The following CPS1 variants were observed in gnomAD, a reference collection of about 807,000 sequenced individuals.
CPS1 encodes carbamoyl-phosphate synthase 1.
Under a neutral mutation model 174.6 loss-of-function variants are expected in CPS1, and 109 were observed. That is an observed-to-expected ratio of 0.62 (90% CI 0.53 to 0.73). The LOEUF (loss-of-function observed/expected upper bound fraction) is 0.73, where lower values mean the gene tolerates loss of function less well. CPS1 is among the 30% of genes least tolerant of loss of function. The pLI, the probability that CPS1 is intolerant of heterozygous loss-of-function variation, is 0.00. For missense variants in CPS1, 1,689 were observed against 1,821.9 expected (o/e 0.93, Z 1.33); for synonymous variants, 637 against 632.0 (o/e 1.01, Z -0.12).
At chr2:210,603,186 G>A (rs1698786968) in intron 16 of CPS1, among the ~76,000 whole-genome samples, 2 of 151,880 alleles carry the variant, frequency 1.3e-5, no homozygotes, top group African/African-American at 4.8e-5. Flanking sequence ...AGTCATAGAA[G>A]TGAATTTGAC....
intron 20 of CPS1, among the ~76,000 whole-genome samples, chr2:210,612,711 C>T (rs1034565870): frequency 6.6e-6 from 1 of 151,808 alleles, no homozygotes. Context: ...TTAGTATGTG[C>T]CACTTGAGTC....
At chr2:210,595,659 A>T in intron 13 of CPS1, 77 bp downstream of exon 13, 1 of 984,696 alleles carries the variant, frequency 1.0e-6, no homozygotes, top group African/African-American at 1.6e-5. Flanking sequence ...ATTTAGATTT[A>T]TGACACTACC....
At chr2:210,497,893 C>CATATATATCTATATATAT (rs1553718832) in intron 1 of CPS1, among the ~76,000 whole-genome samples, 2 of 86,940 alleles carry the variant, frequency 2.3e-5, no homozygotes, top group East Asian at 6.6e-4. Context: ...TATATACATA[C>CATATATATCTATATATAT]ATATATATAT....
upstream of CPS1, among the ~76,000 whole-genome samples, chr2:210,553,439 G>A (rs1696781224): frequency 6.6e-6 from 1 of 151,732 alleles, no homozygotes; most frequent in East Asian, 1.9e-4. Flanking sequence ...CAGGCTAAAT[G>A]CTTCTATTTT....
intron 1 of CPS1, among the ~76,000 whole-genome samples, chr2:210,537,866 A>C (rs1219326336): frequency 6.6e-6 from 1 of 152,162 alleles, no homozygotes; most frequent in Non-Finnish European, 1.5e-5. Flanking sequence ...TTTAAGGCTA[A>C]AGAACAACAC....
At chr2:210,648,358 G>T in intron 26 of CPS1, 115 bp from the exon 27 acceptor site, 1 of 833,072 alleles carries the variant, frequency 1.2e-6, no homozygotes, top group East Asian at 2.6e-5. Flanking sequence ...TACATTTAAT[G>T]GTGCCTTTAG....
intron 21 of CPS1, among the ~76,000 whole-genome samples, chr2:210,630,484 A>T (rs577564303): frequency 6.6e-6 from 1 of 152,344 alleles, no homozygotes; most frequent in East Asian, 1.9e-4. Context: ...ACATTTTAGC[A>T]TTATTGTGAT....
chr2:210,499,359 T>A (rs528968018), intron 1 of CPS1, among the ~76,000 whole-genome samples: 1 of 152,236 alleles, frequency 6.6e-6, no homozygotes, highest in Admixed American at 6.5e-5. Context: ...GCTGCAAGTC[T>A]CCTCATCCAG....
At chr2:210,658,783 A>G (rs1700811066) in intron 31 of CPS1, 95 bp downstream of exon 31, 1 of 878,158 alleles carries the variant, frequency 1.1e-6, no homozygotes, top group Non-Finnish European at 1.9e-6. Flanking sequence ...AACACCAGAC[A>G]AAGAGCAACT....
At position 210,573,200 on chromosome 2, in the gene CPS1, G is replaced by T. The variant is rs114783002; in HGVS notation, c.127-98G>T. ...GCATTATGGTTTCATTAAATATACT[G>T]TGCCTTTATTTAATATGTCTGTGTA... is the stretch of plus-strand genomic sequence containing the variant. On this transcript the variant is annotated intron_variant, in intron 1 of 37. Transcript: ENST00000233072. 4.0e-3 allele frequency: 4,144 copies of T among 1,024,756 alleles called. 95 individuals carry two copies. In the African/African-American group the frequency reaches 0.057, roughly 14 times the overall value. 63.5% of individuals were successfully genotyped at this position (1,024,756 alleles called of 1,614,324 possible). A position where few individuals can be genotyped will look rare whatever the true frequency, so the allele number is the denominator to read the frequency against.
intron 1 of CPS1, among the ~76,000 whole-genome samples, chr2:210,516,959 CT>C (rs1420156518): frequency 6.6e-6 from 1 of 151,852 alleles, no homozygotes; most frequent in Non-Finnish European, 1.5e-5. Context: ...TATTAGCTTG[CT>C]TTTTCTAATG....
At chr2:210,560,388 A>G (rs761060611) in intron 1 of CPS1, among the ~76,000 whole-genome samples, 14 of 152,128 alleles carry the variant, frequency 9.2e-5, no homozygotes, top group Non-Finnish European at 1.8e-4. Flanking sequence ...CATCAAAGCT[A>G]AATAGTTTTA....
intron 1 of CPS1, among the ~76,000 whole-genome samples, chr2:210,479,809 A>T (rs4672577): frequency 0.42 from 64,122 of 151,744 alleles, 15,155 homozygotes; most frequent in East Asian, 0.61. Flanking sequence ...ATGATTTTTT[A>T]AAAAAATGTA....
chr2:210,582,559 C>A, intron 5 of CPS1, 58 bp from the exon 6 acceptor site: 1 of 1,314,412 alleles, frequency 7.6e-7, no homozygotes, highest in Non-Finnish European at 1.1e-6. Context: ...GTGAGTTTAT[C>A]TTGTCAACAC....
chr2:210,548,423 C>T (rs1559070965), intron 1 of CPS1, among the ~76,000 whole-genome samples: 1 of 151,972 alleles, frequency 6.6e-6, no homozygotes, highest in Non-Finnish European at 1.5e-5. Context: ...GATAAATTAG[C>T]AACAACATTA....
At chr2:210,481,426 G>A (rs775651571) in intron 1 of CPS1, among the ~76,000 whole-genome samples, 6 of 152,166 alleles carry the variant, frequency 3.9e-5, no homozygotes, top group Non-Finnish European at 8.8e-5. Context: ...TTCTCAGGAC[G>A]CTGAATTGTT....
chr2:210,548,269 A>C (rs1696616645), intron 1 of CPS1, among the ~76,000 whole-genome samples: 2 of 151,972 alleles, frequency 1.3e-5, no homozygotes, highest in Non-Finnish European at 2.9e-5. Context: ...CTTGACCTCG[A>C]CTTCTAACAT....
chr2:210,556,398 C>G (rs73073545), upstream of CPS1: 8 of 499,766 alleles, frequency 1.6e-5, no homozygotes, highest in Non-Finnish European at 3.1e-5. Flanking sequence ...TCATTCCATT[C>G]AGCTGCATAA....
chr2:210,502,630 A>T (rs1695177197), intron 1 of CPS1, among the ~76,000 whole-genome samples: 2 of 151,954 alleles, frequency 1.3e-5, no homozygotes, highest in Admixed American at 6.6e-5. Context: ...GACAGGAGAG[A>T]GAAAAAAGCA....
Sources: allele counts gnomAD v4.1 joint callset (sites outside exome capture counted in the v4.1 genomes callset), GRCh38; gene constraint gnomAD v4.1.1; transcripts MANE v1.5; gene names NCBI Gene and HGNC (gene_info 2026-07-23, HGNC 2026-07-21).